SLX4: variants seen among roughly 807,000 people sequenced by gnomAD.
The protein encoded by SLX4 is structure-specific endonuclease subunit SLX4.
Under a neutral mutation model 146.2 loss-of-function variants are expected in SLX4, and 112 were observed. That is an observed-to-expected ratio of 0.77 (90% CI 0.66 to 0.90). The LOEUF (loss-of-function observed/expected upper bound fraction) is 0.90, where lower values mean the gene tolerates loss of function less well. SLX4 is among the 40% of genes least tolerant of loss of function. The probability of loss-of-function intolerance (pLI) is 0.00; values close to 1 mark genes in which losing one functional copy is unlikely to be tolerated. For missense variants in SLX4, 2,563 were observed against 2,392.7 expected (o/e 1.07, Z -1.49); for synonymous variants, 1,061 against 997.7 (o/e 1.06, Z -1.20).
intron 2 of SLX4, among the ~76,000 whole-genome samples, chr16:3,607,881 CAA>C (rs1228180645): frequency 6.6e-6 from 1 of 152,178 alleles, no homozygotes; most frequent in Admixed American, 6.6e-5. Flanking sequence ...TTCAAGAAAA[CAA>C]GAGAAGCAGC....
At chr16:3,585,759 AAC>A (rs2040501104) in intron 12 of SLX4, among the ~76,000 whole-genome samples, 1 of 151,236 alleles carries the variant, frequency 6.6e-6, no homozygotes, top group Admixed American at 6.6e-5. Flanking sequence ...CATAACAAAA[AAC>A]ACAGAGGGTT....
rs771085776 is a variant in SLX4, at chr16:3,597,926, C to G, written c.1237G>C (p.Val413Leu). 4.3e-6 allele frequency: 7 copies of G among 1,614,174 alleles called. No homozygotes were observed. The highest frequency in any genetic ancestry group is 5.9e-6 in the Non-Finnish European group (7 of 1,180,048). ...SKKEPRKRRK[V>L]DEAPSEDLLV... is the part of the protein sequence containing the mutation. ...AGGTCCTCGGACGGTGCCTCGTCCA[C>G]CTTCCGCCTCTTCCGTGGCTCCTTC... Residue 413 changes from valine (V) to leucine (L), a missense_variant, in exon 6 of 15, where the codon GTG (valine) becomes CTG (leucine). By Grantham distance (32) the Val-to-Leu change is conservative. Transcript: ENST00000294008. This position sits in a 1 kb window ranked among gnomAD's most constrained non-coding sequence, Gnocchi z 4.4.
Position 3,582,180 on chromosome 16 carries a change from G to A in SLX4, c.*162C>T, listed in dbSNP as rs1031670484. On this transcript the variant is annotated 3_prime_UTR_variant, in exon 15 of 15. Coordinates refer to ENST00000294008, the MANE Select transcript of SLX4 (RefSeq NM_032444.4). Reference sequence around the variant, plus strand: ...AGCAGAGCCCAGAGGAGGAAGCCCTGGATTGGGCTGTGGTCATCATCACAG... The same window carrying A: ...AGCAGAGCCCAGAGGAGGAAGCCCTAGATTGGGCTGTGGTCATCATCACAG... 3.2e-6 allele frequency: 2 copies of A among 632,584 alleles called. No individual in the cohort carries two copies. Among genetic ancestry groups the A allele is most frequent in the Admixed American group, 2.7e-5 (1 of 37,186 alleles). 39.2% of individuals were successfully genotyped at this position (632,584 alleles called of 1,614,324 possible).
chr16:3,584,680 G>T, intron 13 of SLX4, 89 bp downstream of exon 13: 1 of 1,024,170 alleles, frequency 9.8e-7, no homozygotes, highest in South Asian at 1.3e-5. Flanking sequence ...GACCACACGG[G>T]GGGCCCTTCC....
At chr16:3,595,919 C>T (rs1336762032) in intron 8 of SLX4, among the ~76,000 whole-genome samples, 2 of 152,224 alleles carry the variant, frequency 1.3e-5, no homozygotes, top group African/African-American at 4.8e-5. Context: ...AGGATTCACT[C>T]GCTGTGGGCA....
intron 12 of SLX4, 84 bp from the exon 13 acceptor site, chr16:3,584,955 A>G (rs370213110): frequency 1.0e-6 from 1 of 988,340 alleles, no homozygotes. Context: ...ACCAAGAGGA[A>G]TAATGCACTT....
chr16:3,593,220 C>T (rs958308749), intron 10 of SLX4, among the ~76,000 whole-genome samples: 2 of 152,144 alleles, frequency 1.3e-5, no homozygotes, highest in African/African-American at 4.8e-5. Flanking sequence ...TGCAGCCGCC[C>T]ACCACCATGC....
Position 3,581,367 on chromosome 16 carries a change from CAT to C in SLX4, c.*973_*974del, listed in dbSNP as rs2040433153. The C allele has an allele frequency of 1.3e-5, 2 of 152,718 alleles. No individual in the cohort carries two copies. Among genetic ancestry groups the C allele is most frequent in the Admixed American group, 1.3e-4 (2 of 15,286 alleles). The allele number at this position is 152,718 out of a possible 1,614,324, so 9.5% of individuals were successfully genotyped here. ...CCAAAGAATGGAATCCGCTAGTGAA[CAT>C]GTTTGTTTTGTGGTGGCATCAGAGT... On this transcript the variant is annotated 3_prime_UTR_variant, in exon 15 of 15. Coordinates refer to ENST00000294008, the MANE Select transcript of SLX4 (RefSeq NM_032444.4).
chr16:3,596,174 C>G lies in SLX4; in HGVS notation c.1903G>C (p.Ala635Pro). The change falls in exon 8 of 15, where the codon GCT (alanine) becomes CCT (proline). Residue 635 changes from alanine to proline, a missense_variant. By Grantham distance (27) the Ala-to-Pro change is conservative (BLOSUM62 -1). Transcript: ENST00000294008. ...ASPWPGSGGL[A>P]GSEGTAGLDV... ...TCACCTGCAGTCCCTTCCGAGCCAG[C>G]CAGGCCCCCACTGCCGGGCCACGGG... is the stretch of plus-strand genomic sequence containing the variant. 1 of 1,551,864 alleles carries G rather than the reference C, an allele frequency of 6.4e-7. No individual in the cohort carries two copies. The highest frequency in any genetic ancestry group is 8.7e-7 in the Non-Finnish European group (1 of 1,150,336).
intron 3 of SLX4, among the ~76,000 whole-genome samples, chr16:3,603,924 C>A (rs183805005): frequency 6.6e-6 from 1 of 152,256 alleles, no homozygotes; most frequent in East Asian, 1.9e-4. Context: ...TTAGCCTAGC[C>A]TCTTCAAAAA....
In SLX4 at chr16:3,597,625, T is replaced by C. The variant is rs376641868; in HGVS notation, c.1437A>G (p.Thr479=). ...PLLLVQDSET[T]GRQIEDRVAL... ...CCACACGGTCCTCTATCTGTCGGCC[T>C]GTGGTTTCAGAGTCCTGGACTAACA... The change falls in exon 7 of 15, where the codon ACA becomes ACG. Residue 479 remains threonine (T), a synonymous_variant. Transcript: ENST00000294008. This position sits in a 1 kb window ranked among gnomAD's most constrained non-coding sequence, Gnocchi z 4.4. 4.2e-5 allele frequency: 68 copies of C among 1,613,980 alleles called. No individual in the cohort carries two copies. The highest frequency in any genetic ancestry group is 5.6e-5 in the Non-Finnish European group (66 of 1,180,034).
At chr16:3,611,232 G>A (rs1174861601) in intron 1 of SLX4, among the ~76,000 whole-genome samples, 1 of 152,344 alleles carries the variant, frequency 6.6e-6, no homozygotes. Context: ...GGGGCTGAGG[G>A]GTTCCCCGTC....
In SLX4 at chr16:3,589,270, G is replaced by A; in HGVS notation, c.4368C>T (p.Arg1456=). ...GGCTGTCGGCGGCCTCGTTCATCCT[G>A]CGGCTGGGGCTGCTGGTGCTCAGGG... is the stretch of plus-strand genomic sequence containing the variant. The part of the protein sequence containing the change: ...TGPLSTSSPS[R]RMNEAADSRD... The change falls in exon 12 of 15, where the codon CGC becomes CGT. Residue 1456 remains arginine, a synonymous_variant. Coordinates refer to ENST00000294008, the MANE Select transcript of SLX4 (RefSeq NM_032444.4). This position sits in a 1 kb window ranked among gnomAD's most constrained non-coding sequence, Gnocchi z 6.2. 4 of 1,599,146 alleles carry A rather than the reference G, an allele frequency of 2.5e-6. No individual in the cohort carries two copies. The highest frequency in any genetic ancestry group is 3.4e-6 in the Non-Finnish European group (4 of 1,171,096).
Position 3,589,397 on chromosome 16 carries a change from G to A in SLX4, c.4241C>T (p.Pro1414Leu), listed in dbSNP as rs140892471. The A allele has an allele frequency of 5.2e-4, 834 of 1,599,442 alleles. 1 individual carries two copies. The African/African-American group carries it at 9.4e-3, about 18-fold the overall frequency. Residue 1414 changes from proline to leucine, a missense_variant, in exon 12 of 15, where the codon CCA becomes CTA. Physicochemically the swap from Pro to Leu is moderately conservative, Grantham distance 98. Coordinates refer to ENST00000294008, the MANE Select transcript of SLX4 (RefSeq NM_032444.4). This position sits in a 1 kb window ranked among gnomAD's most constrained non-coding sequence, Gnocchi z 6.2. Reference sequence around the variant, plus strand: ...TGGAATTGGGGGGTCACTGTCCAGTGGGGGGCTTCTGTTGGCCTGATGGGA... The same window carrying A: ...TGGAATTGGGGGGTCACTGTCCAGTAGGGGGCTTCTGTTGGCCTGATGGGA... ...VASHQANRSPPLDSDPPIPID... is the reference protein window; with the variant it reads ...VASHQANRSPLLDSDPPIPID...
At position 3,589,623 on chromosome 16, in the gene SLX4, C is replaced by A. The variant is rs2151122279; in HGVS notation, c.4015G>T (p.Gly1339Cys). 1 of 1,613,956 alleles carries A rather than the reference C, an allele frequency of 6.2e-7. No homozygotes were observed. Among genetic ancestry groups the A allele is most frequent in the Non-Finnish European group, 8.5e-7 (1 of 1,180,038 alleles). ...TGGGGACGGGAAGGGCTTCTGTGGCCTTGCCTTCTGCCGTCAGAAGTTCCT... is the reference window on the plus strand; with the variant it reads ...TGGGGACGGGAAGGGCTTCTGTGGCATTGCCTTCTGCCGTCAGAAGTTCCT... Reference protein sequence around the residue: ...SPGTSDGRRQGHRSPSRPHPG... With the variant: ...SPGTSDGRRQCHRSPSRPHPG... The change falls in exon 12 of 15, where the codon GGC becomes TGC. Residue 1339 changes from glycine (G) to cysteine (C), a missense_variant. Physicochemically the swap from Gly to Cys is radical, Grantham distance 159. Transcript: ENST00000294008. This position sits in a 1 kb window ranked among gnomAD's most constrained non-coding sequence, Gnocchi z 6.2.
rs745595506 is a variant in SLX4 at position 3,589,608 on chromosome 16, A to G, written c.4030T>C (p.Ser1344Pro). The change falls in exon 12 of 15, where the codon TCC (serine) becomes CCC (proline). Residue 1344 changes from serine (S) to proline (P), a missense_variant. Ser to Pro is a moderately conservative substitution (Grantham distance 74, BLOSUM62 -1). Coordinates refer to ENST00000294008, the MANE Select transcript of SLX4 (RefSeq NM_032444.4). The surrounding 1 kb of genome is among the most constrained non-coding windows in gnomAD (Gnocchi z 6.2). ...GGGTGGCCCCCGGGGTGGGGACGGG[A>G]AGGGCTTCTGTGGCCTTGCCTTCTG... is the stretch of plus-strand genomic sequence containing the variant. ...DGRRQGHRSPSRPHPGGHPHS... is the reference protein window; with the variant it reads ...DGRRQGHRSPPRPHPGGHPHS... 6 of 1,613,804 alleles carry G rather than the reference A, an allele frequency of 3.7e-6. No individual in the cohort carries two copies. Among genetic ancestry groups the G allele is most frequent in the South Asian group, 1.1e-5 (1 of 91,068 alleles).
At chr16:3,584,650 C>T in intron 13 of SLX4, 119 bp downstream of exon 13, 1 of 823,016 alleles carries the variant, frequency 1.2e-6, no homozygotes. Context: ...CCCAGGCCAG[C>T]TGCATCCACC....
At chr16:3,603,321 G>A (rs1295478311) in intron 3 of SLX4, among the ~76,000 whole-genome samples, 4 of 152,244 alleles carry the variant, frequency 2.6e-5, no homozygotes, top group African/African-American at 9.6e-5. Context: ...TGGGATTACA[G>A]GCGTGAGCCA....
chr16:3,592,923 A>C, intron 10 of SLX4, 58 bp from the exon 11 acceptor site: 1 of 1,552,748 alleles, frequency 6.4e-7, no homozygotes, highest in South Asian at 1.2e-5. Flanking sequence ...ACTTGGAGCA[A>C]AGCAGACGGT....
Sources: gnomAD v4.1 joint callset for allele counts (sites outside exome capture counted in the v4.1 genomes callset) on GRCh38, gnomAD v4.1.1 for gene constraint, Gnocchi (gnomAD v3.1) non-coding constraint, MANE v1.5 for transcripts, NCBI Gene and HGNC (gene_info 2026-07-23, HGNC 2026-07-21) for gene names.